Variants in CEP112 observed in about 807,000 individuals in gnomAD.
CEP112 encodes centrosomal protein of 112 kDa.
Under a neutral mutation model 153.0 loss-of-function variants are expected in CEP112, and 127 were observed. The observed-to-expected ratio is 0.83, with a 90% CI of 0.72 to 0.96. CEP112 has a LOEUF of 0.96. Ranked by LOEUF, CEP112 falls within the 40% of genes least tolerant of loss-of-function variation. The probability of loss-of-function intolerance (pLI) is 0.00; values close to 1 mark genes in which losing one functional copy is unlikely to be tolerated. For synonymous variants in CEP112, 358 were observed against 374.4 expected, an observed-to-expected ratio of 0.96 and a Z score of 0.51; for missense variants, 1,089 against 1,101.2, an observed-to-expected ratio of 0.99 and a Z score of 0.16.
At chr17:65,837,228 G>A (rs1306243704) in intron 21 of CEP112, among the ~76,000 whole-genome samples, 16 of 152,038 alleles carry the variant, frequency 1.1e-4, no homozygotes, top group Non-Finnish European at 1.5e-4. Flanking sequence ...CCGCCACCCC[G>A]TCTAGGAAGT....
At chr17:65,969,666 C>G (rs1023254177) in intron 17 of CEP112, among the ~76,000 whole-genome samples, 1 of 152,226 alleles carries the variant, frequency 6.6e-6, no homozygotes, top group Non-Finnish European at 1.5e-5. Context: ...TATAACACTG[C>G]ATATTGCATG....
At chr17:66,165,235 A>G (rs1343561223) in intron 4 of CEP112, among the ~76,000 whole-genome samples, 6 of 142,484 alleles carry the variant, frequency 4.2e-5, no homozygotes, top group East Asian at 2.0e-4. Flanking sequence ...GTTCTGCCCA[A>G]CACAGTAGCC....
At chr17:66,051,721 A>G (rs1429907388) in intron 12 of CEP112, among the ~76,000 whole-genome samples, 1 of 152,202 alleles carries the variant, frequency 6.6e-6, no homozygotes, top group Non-Finnish European at 1.5e-5. Context: ...CACAGCTTTA[A>G]ATTCAAGAAA....
At chr17:65,785,237 T>A (rs1284589259) in intron 21 of CEP112, among the ~76,000 whole-genome samples, 2 of 152,182 alleles carry the variant, frequency 1.3e-5, no homozygotes, top group Non-Finnish European at 2.9e-5. Context: ...AACATTTGAG[T>A]TTTTTCCACT....
intron 24 of CEP112, among the ~76,000 whole-genome samples, chr17:65,643,645 G>C (rs1431914554): frequency 6.6e-6 from 1 of 152,154 alleles, no homozygotes; most frequent in African/African-American, 2.4e-5. Context: ...TGGAGCGTTA[G>C]CAACAGGTTG....
intron 24 of CEP112, among the ~76,000 whole-genome samples, chr17:65,654,352 A>G (rs1040097417): frequency 2.0e-5 from 3 of 152,198 alleles, no homozygotes; most frequent in African/African-American, 7.2e-5. Flanking sequence ...CCTTTCTTCA[A>G]TATCATTTCC....
chr17:66,150,121 C>T (rs1488013855), intron 4 of CEP112, among the ~76,000 whole-genome samples: 5 of 143,766 alleles, frequency 3.5e-5, no homozygotes, highest in East Asian at 2.0e-4. Flanking sequence ...AGGATGGTCT[C>T]GATCTCTCGA....
At chr17:66,020,860 G>A (rs1023194499) in intron 16 of CEP112, among the ~76,000 whole-genome samples, 10 of 152,086 alleles carry the variant, frequency 6.6e-5, no homozygotes, top group South Asian at 2.1e-4. Context: ...CCTTTCCAAC[G>A]TGCCTCATCT....
chr17:66,118,837 AACT>A (rs2069430392), intron 6 of CEP112, among the ~76,000 whole-genome samples: 1 of 152,080 alleles, frequency 6.6e-6, no homozygotes, highest in African/African-American at 2.4e-5. Context: ...CATAAATATG[AACT>A]AATATGTATC....
intron 2 of CEP112, chr17:66,181,819 A>G (rs1334049527): frequency 6.6e-6 from 1 of 152,230 alleles, no homozygotes; most frequent in Non-Finnish European, 1.5e-5. Flanking sequence ...ATATCATTAG[A>G]TATCATTCAA....
intron 21 of CEP112, among the ~76,000 whole-genome samples, chr17:65,851,259 TTAATA>T (rs1387894811): frequency 2.6e-5 from 4 of 152,210 alleles, no homozygotes; most frequent in Non-Finnish European, 4.4e-5. Context: ...GATTGCACCT[TTAATA>T]TAAGTCCAAT....
chr17:65,742,975 C>G (rs1300445868), intron 23 of CEP112, 93 bp downstream of exon 23: 1 of 967,176 alleles, frequency 1.0e-6, no homozygotes, highest in African/African-American at 1.7e-5. Context: ...AAGCCAGATA[C>G]CCGCATTCAT....
chr17:66,173,056 T>C (rs1017151629), intron 4 of CEP112, among the ~76,000 whole-genome samples: 3 of 152,136 alleles, frequency 2.0e-5, no homozygotes, highest in Admixed American at 2.0e-4. Context: ...CTGTGCCCAA[T>C]CCTCTCCCCT....
intron 7 of CEP112, 75 bp from the exon 8 acceptor site, chr17:66,096,403 T>C (rs962650567): frequency 3.5e-6 from 5 of 1,413,488 alleles, no homozygotes; most frequent in Non-Finnish European, 4.0e-6. Context: ...AACTTCTAAA[T>C]TGCCTGAGGC....
At chr17:65,696,870 G>A (rs143499483) in intron 23 of CEP112, among the ~76,000 whole-genome samples, 52 of 152,154 alleles carry the variant, frequency 3.4e-4, no homozygotes, top group Admixed American at 7.2e-4. Context: ...TTTCCTTCAC[G>A]AGGCTTGAAT....
At chr17:65,875,464 A>T (rs777101635) in intron 20 of CEP112, among the ~76,000 whole-genome samples, 1 of 152,104 alleles carries the variant, frequency 6.6e-6, no homozygotes, top group Non-Finnish European at 1.5e-5. Context: ...TCTGTTTTCA[A>T]CTCTGATGAT....
chr17:66,087,248 C>G (rs2067973506), intron 8 of CEP112, among the ~76,000 whole-genome samples: 1 of 152,048 alleles, frequency 6.6e-6, no homozygotes, highest in African/African-American at 2.4e-5. Flanking sequence ...TCTTTGAAAA[C>G]ATATGTGGGT....
intron 7 of CEP112, 23 bp from the exon 8 acceptor site, chr17:66,096,351 T>C: frequency 6.2e-7 from 1 of 1,603,860 alleles, no homozygotes; most frequent in Non-Finnish European, 8.5e-7. Context: ...CAGGAGTTAT[T>C]TAACATGTTT....
intron 19 of CEP112, among the ~76,000 whole-genome samples, chr17:65,908,346 G>A (rs999039901): frequency 5.3e-5 from 8 of 152,152 alleles, no homozygotes; most frequent in Admixed American, 4.6e-4. Flanking sequence ...GGGGTTCATT[G>A]TCTAGAAAAT....
Sources: gnomAD v4.1 joint callset for allele counts (sites outside exome capture counted in the v4.1 genomes callset) on GRCh38, gnomAD v4.1.1 for gene constraint, MANE v1.5 for transcripts, NCBI Gene and HGNC (gene_info 2026-07-23, HGNC 2026-07-21) for gene names.